The following IGF1R variants were observed in gnomAD, a reference collection of about 807,000 sequenced individuals.
IGF1R encodes insulin like growth factor 1 receptor.
A neutral mutation model predicts 144.6 loss-of-function variants in IGF1R; 44 were observed. The observed-to-expected ratio is 0.30, with a 90% CI of 0.24 to 0.39. The LOEUF is 0.39. Among genes scored for constraint, IGF1R ranks in the 10% least tolerant of loss-of-function variants. IGF1R has a pLI of 1.00. For missense variants in IGF1R, 1,355 were observed against 1,833.7 expected (o/e 0.74, Z 4.77); for synonymous variants, 795 against 722.8 (o/e 1.10, Z -1.60).
intron 20 of IGF1R, among the ~76,000 whole-genome samples, chr15:98,952,485 C>G (rs1225210102): frequency 1.5e-4 from 23 of 152,270 alleles, no homozygotes; most frequent in Admixed American, 1.4e-3. Flanking sequence ...AGGTACAGTG[C>G]TAGAATCTAG....
chr15:98,868,720 G>A (rs904698731), intron 2 of IGF1R, among the ~76,000 whole-genome samples: 1 of 152,092 alleles, frequency 6.6e-6, no homozygotes, highest in Admixed American at 6.6e-5. Flanking sequence ...AGATGGGAAC[G>A]GCAGGCCCTC....
intron 2 of IGF1R, among the ~76,000 whole-genome samples, chr15:98,823,075 C>T (rs965647516): frequency 6.6e-6 from 1 of 152,222 alleles, no homozygotes; most frequent in African/African-American, 2.4e-5. Context: ...CCACCTCATG[C>T]TGTGAAGAAA....
At position 98,891,039 on chromosome 15, in the gene IGF1R, G is replaced by A. The variant is rs2013881943; in HGVS notation, c.641-286G>A. ...TATTATCCCCCTCATTTTACAGATG[G>A]GAAGAGAGAGGATCAAGATCACAGA... On this transcript the variant is annotated intron_variant, in intron 2 of 20. Coordinates refer to ENST00000650285, the MANE Select transcript of IGF1R (RefSeq NM_000875.5). The surrounding 1 kb of genome is among the most constrained non-coding windows in gnomAD (Gnocchi z 4.7). Among the ~76,000 whole-genome samples the A allele has an allele frequency of 6.6e-6, 1 of 152,152 alleles. No individual in the cohort carries two copies. Among genetic ancestry groups the A allele is most frequent in the African/African-American group, 2.4e-5 (1 of 41,426 alleles).
chr15:98,945,421 C>A (rs1405306316), intron 19 of IGF1R, among the ~76,000 whole-genome samples: 1 of 152,202 alleles, frequency 6.6e-6, no homozygotes, highest in African/African-American at 2.4e-5. Context: ...GGGGGACTCA[C>A]AGCCGCCGGT....
chr15:98,747,489 A>G (rs930081277), intron 2 of IGF1R, among the ~76,000 whole-genome samples: 2 of 152,158 alleles, frequency 1.3e-5, no homozygotes, highest in African/African-American at 4.8e-5. Context: ...GTGCCCTGGC[A>G]CTACTCAATT....
At chr15:98,711,030 GT>G (rs2053979680) in intron 2 of IGF1R, among the ~76,000 whole-genome samples, 1 of 152,084 alleles carries the variant, frequency 6.6e-6, no homozygotes, top group Non-Finnish European at 1.5e-5. Context: ...CTTGCATTCT[GT>G]GTTGGTAAGC....
At chr15:98,715,201 G>A (rs961126327) in intron 2 of IGF1R, among the ~76,000 whole-genome samples, 2 of 152,182 alleles carry the variant, frequency 1.3e-5, no homozygotes, top group Non-Finnish European at 2.9e-5. Flanking sequence ...GCTTGTTGCC[G>A]AGATGGTGAA....
chr15:98,706,258 C>T (rs1334200974), intron 1 of IGF1R, among the ~76,000 whole-genome samples: 1 of 152,246 alleles, frequency 6.6e-6, no homozygotes, highest in African/African-American at 2.4e-5. Context: ...ATGTTGGGTG[C>T]TTCCCAAATT....
intron 11 of IGF1R, 142 bp downstream of exon 11, chr15:98,922,573 C>G (rs1766349057): frequency 1.8e-5 from 18 of 977,608 alleles, no homozygotes; most frequent in Non-Finnish European, 1.6e-6. Flanking sequence ...CAGTCATTGG[C>G]AGGTGGCGTG....
intron 2 of IGF1R, among the ~76,000 whole-genome samples, chr15:98,797,384 A>G (rs2056268836): frequency 6.6e-6 from 1 of 152,260 alleles, no homozygotes; most frequent in African/African-American, 2.4e-5. Context: ...GACAGTGAGC[A>G]TGGCGAGTGG....
chr15:98,818,036 T>C (rs1178700997), intron 2 of IGF1R, among the ~76,000 whole-genome samples: 1 of 152,194 alleles, frequency 6.6e-6, no homozygotes, highest in Admixed American at 6.5e-5. Flanking sequence ...TATCCTCATA[T>C]AGTGGTGGGA....
chr15:98,728,880 G>T (rs2054429782), intron 2 of IGF1R, among the ~76,000 whole-genome samples: 2 of 152,210 alleles, frequency 1.3e-5, no homozygotes, highest in South Asian at 4.1e-4. Context: ...TAAAATCTTG[G>T]CTGTGCTACC....
chr15:98,788,058 CTCTCTGTGTG>C (rs1308586710), intron 2 of IGF1R, among the ~76,000 whole-genome samples: 2 of 128,008 alleles, frequency 1.6e-5, no homozygotes, highest in African/African-American at 3.0e-5. Flanking sequence ...CTCTCTCTCT[CTCTCTGTGTG>C]TGTGTGTGTG....
At chr15:98,884,683 CA>C (rs35707888) in intron 2 of IGF1R, among the ~76,000 whole-genome samples, 6,704 of 80,148 alleles carry the variant, frequency 0.084, 214 homozygotes, top group African/African-American at 0.2. Context: ...CACTCCGTCT[CA>C]AAAAAAAAAA....
chr15:98,669,204 C>A (rs1313903317), intron 1 of IGF1R, among the ~76,000 whole-genome samples: 1 of 152,178 alleles, frequency 6.6e-6, no homozygotes, highest in Non-Finnish European at 1.5e-5. Context: ...ATTGGGCTTC[C>A]TGAGAGCCTG....
At chr15:98,882,350 A>G (rs569502471) in intron 2 of IGF1R, among the ~76,000 whole-genome samples, 1 of 152,366 alleles carries the variant, frequency 6.6e-6, no homozygotes, top group African/African-American at 2.4e-5. Flanking sequence ...GTTCGTCAAG[A>G]TGGGTGCCAT....
At chr15:98,921,466 C>A (rs908399420) in intron 10 of IGF1R, among the ~76,000 whole-genome samples, 1 of 152,148 alleles carries the variant, frequency 6.6e-6, no homozygotes, top group Admixed American at 6.5e-5. Context: ...ATGGGCAGGA[C>A]CTTGATGAGG....
chr15:98,748,578 C>G (rs1003156364), intron 2 of IGF1R, among the ~76,000 whole-genome samples: 1 of 152,154 alleles, frequency 6.6e-6, no homozygotes, highest in Non-Finnish European at 1.5e-5. Context: ...TTTCTATTGA[C>G]TTGCACTCCA....
chr15:98,677,588 G>A (rs1276304784), intron 1 of IGF1R, among the ~76,000 whole-genome samples: 1 of 152,200 alleles, frequency 6.6e-6, no homozygotes, highest in Non-Finnish European at 1.5e-5. Context: ...GCTGCTGTGA[G>A]GTGCTCAAAG....
Sources: allele counts gnomAD v4.1 joint callset (sites outside exome capture counted in the v4.1 genomes callset), GRCh38; gene constraint gnomAD v4.1.1; non-coding constraint Gnocchi (gnomAD v3.1); transcripts MANE v1.5; gene names NCBI Gene and HGNC (gene_info 2026-07-23, HGNC 2026-07-21).